MNAT1: variants seen among roughly 807,000 people sequenced by gnomAD.
The protein encoded by MNAT1 is CDK-activating kinase assembly factor MAT1.
In MNAT1, 43 loss-of-function variants were observed where a neutral mutation model predicts 42.0. The observed-to-expected ratio is 1.02, with a 90% CI of 0.80 to 1.32. The LOEUF is 1.32. Ranked by LOEUF, MNAT1 falls within the 40% of genes most tolerant of loss-of-function variation. The pLI is 0.00. For missense variants in MNAT1, 306 were observed against 350.4 expected (o/e 0.87, Z 1.01); for synonymous variants, 118 against 120.0 (o/e 0.98, Z 0.11).
intron 1 of MNAT1, chr14:60,780,174 A>G: frequency 6.6e-7 from 1 of 1,517,264 alleles, no homozygotes; most frequent in South Asian, 1.1e-5. Flanking sequence ...AAATACCTAA[A>G]TAATGTGGTG....
intron 7 of MNAT1, among the ~76,000 whole-genome samples, chr14:60,940,005 T>G (rs1253400096): frequency 3.3e-5 from 5 of 152,190 alleles, no homozygotes; most frequent in Non-Finnish European, 7.3e-5. Context: ...TTTGTCTCTC[T>G]TGATCTTTGT....
At chr14:60,832,506 T>C (rs1377332047) in intron 6 of MNAT1, among the ~76,000 whole-genome samples, 3 of 152,070 alleles carry the variant, frequency 2.0e-5, no homozygotes, top group Non-Finnish European at 2.9e-5. Context: ...GGCGTTATTT[T>C]TGAGGCCTCT....
chr14:60,904,196 A>G (rs1023654471), intron 7 of MNAT1, among the ~76,000 whole-genome samples: 11 of 152,238 alleles, frequency 7.2e-5, no homozygotes, highest in Non-Finnish European at 1.2e-4. Context: ...AGTTTTACAG[A>G]AAGTCTTGGG....
chr14:60,876,039 C>T (rs1403539552), intron 6 of MNAT1, among the ~76,000 whole-genome samples: 1 of 148,460 alleles, frequency 6.7e-6, no homozygotes, highest in Admixed American at 6.6e-5. Flanking sequence ...ACCCCCATAG[C>T]TAAAACATGT....
intron 6 of MNAT1, among the ~76,000 whole-genome samples, chr14:60,849,612 T>C (rs1434540767): frequency 1.3e-5 from 2 of 152,180 alleles, no homozygotes; most frequent in African/African-American, 4.8e-5. Context: ...CATGTAAATA[T>C]GCACTGTGGA....
At chr14:60,878,910 T>C (rs917420178) in intron 6 of MNAT1, among the ~76,000 whole-genome samples, 1 of 152,178 alleles carries the variant, frequency 6.6e-6, no homozygotes, top group East Asian at 1.9e-4. Context: ...ACCCATTGAG[T>C]GGAAAGTTTG....
chr14:60,805,132 A>C (rs2032326736), intron 3 of MNAT1, among the ~76,000 whole-genome samples: 1 of 152,186 alleles, frequency 6.6e-6, no homozygotes, highest in Admixed American at 6.5e-5. Context: ...AAAAGTAATT[A>C]TAAATGTTGG....
At chr14:60,761,600 A>G (rs2030603000) in intron 1 of MNAT1, among the ~76,000 whole-genome samples, 1 of 152,200 alleles carries the variant, frequency 6.6e-6, no homozygotes, top group African/African-American at 2.4e-5. Context: ...AGATATTTTC[A>G]AAAAGTTGCA....
At chr14:60,833,573 A>T (rs945986920) in intron 6 of MNAT1, among the ~76,000 whole-genome samples, 4 of 152,134 alleles carry the variant, frequency 2.6e-5, no homozygotes, top group African/African-American at 9.7e-5. Flanking sequence ...TGGTGGATTC[A>T]GTTTGCCAGT....
intron 7 of MNAT1, among the ~76,000 whole-genome samples, chr14:60,882,894 G>C (rs552010359): frequency 6.6e-6 from 1 of 152,064 alleles, no homozygotes; most frequent in Admixed American, 6.6e-5. Context: ...TTTGAGAAAT[G>C]TATGTTCAAA....
Position 60,804,595 on chromosome 14 carries a change from A to G in MNAT1, c.317-3730A>G, listed in dbSNP as rs2300468. ...GGCTAAAGTGCAGTGGTACTATCAT[A>G]GCTCGCTGTAGCTTGAAACTCCTGG... is the stretch of plus-strand genomic sequence containing the variant. On this transcript the variant is annotated intron_variant, in intron 3 of 7. Coordinates refer to ENST00000261245, the MANE Select transcript of MNAT1 (RefSeq NM_002431.4). Among the ~76,000 whole-genome samples, 167 of 152,234 alleles carry G rather than the reference A, an allele frequency of 1.1e-3. No homozygotes were observed. In the East Asian group the frequency reaches 0.023, roughly 21 times the overall value.
At chr14:60,755,031 A>T (rs769617079) in intron 1 of MNAT1, among the ~76,000 whole-genome samples, 3 of 151,920 alleles carry the variant, frequency 2.0e-5, no homozygotes, top group African/African-American at 4.8e-5. Flanking sequence ...ACAAAATCTC[A>T]CTCTGTTGCC....
chr14:60,739,449 G>C (rs1017964217), intron 1 of MNAT1, among the ~76,000 whole-genome samples: 2 of 151,964 alleles, frequency 1.3e-5, no homozygotes, highest in Admixed American at 1.3e-4. Context: ...GATAAAGTGA[G>C]TAGGAGTAGT....
intron 1 of MNAT1, among the ~76,000 whole-genome samples, chr14:60,757,698 A>G (rs2030417942): frequency 6.6e-6 from 1 of 152,202 alleles, no homozygotes; most frequent in Non-Finnish European, 1.5e-5. Context: ...CTGATGAGTC[A>G]CAGAGATTCC....
intron 7 of MNAT1, among the ~76,000 whole-genome samples, chr14:60,916,996 AT>A (rs1180550486): frequency 1.1e-4 from 17 of 152,124 alleles, no homozygotes; most frequent in Admixed American, 3.9e-4. Flanking sequence ...AAAACAAAAA[AT>A]AACCTGTAAG....
intron 7 of MNAT1, 49 bp from the exon 8 acceptor site, chr14:60,968,180 A>G (rs1594920340): frequency 7.2e-7 from 1 of 1,383,812 alleles, no homozygotes. Flanking sequence ...AATGTTACCT[A>G]TTTATATTTG....
chr14:60,789,456 T>G (rs550338611), intron 1 of MNAT1, among the ~76,000 whole-genome samples: 7 of 152,278 alleles, frequency 4.6e-5, no homozygotes, highest in African/African-American at 1.4e-4. Flanking sequence ...GATAGACTCA[T>G]TCCATGGCAG....
chr14:60,780,778 G>A (rs2031431041), intron 1 of MNAT1, among the ~76,000 whole-genome samples: 1 of 151,998 alleles, frequency 6.6e-6, no homozygotes. Flanking sequence ...GACTCACCAT[G>A]GAGTTAACAT....
intron 7 of MNAT1, among the ~76,000 whole-genome samples, chr14:60,933,325 A>G (rs1177132062): frequency 1.3e-5 from 2 of 152,054 alleles, no homozygotes; most frequent in East Asian, 1.9e-4. Context: ...GTTCTTCCGT[A>G]TAATTTTGGC....
Sources: gnomAD v4.1 joint callset for allele counts (sites outside exome capture counted in the v4.1 genomes callset) on GRCh38, gnomAD v4.1.1 for gene constraint, MANE v1.5 for transcripts, NCBI Gene and HGNC (gene_info 2026-07-23, HGNC 2026-07-21) for gene names.